GYG2: variants seen among roughly 807,000 people sequenced by gnomAD.
The protein encoded by GYG2 is glycogenin-2.
GYG2 carries 29 observed loss-of-function variants against 29.4 expected under a neutral mutation model. The observed-to-expected ratio is 0.99, with a 90% CI of 0.74 to 1.35. The LOEUF is 1.35. Ranked by LOEUF, GYG2 falls within the 40% of genes most tolerant of loss-of-function variation. The probability of loss-of-function intolerance (pLI) is 0.00; values close to 1 mark genes in which losing one functional copy is unlikely to be tolerated. For missense variants in GYG2, 370 were observed against 385.7 expected (o/e 0.96, Z 0.34); for synonymous variants, 167 against 172.3 (o/e 0.97, Z 0.24).
intron 8 of GYG2, among the ~76,000 whole-genome samples, chrX:2,867,230 C>T (rs1047312535): frequency 3.6e-5 from 4 of 111,426 alleles, no homozygotes; most frequent in Non-Finnish European, 5.7e-5. Flanking sequence ...CCTGTATCTC[C>T]CATCTCAGGG....
intron 10 of GYG2, among the ~76,000 whole-genome samples, chrX:2,879,270 CTTTT>C (rs752455317): frequency 5.4e-5 from 5 of 93,452 alleles, no homozygotes; most frequent in Non-Finnish European, 6.5e-5. Flanking sequence ...TATCTATTTT[CTTTT>C]TTTTTTTTTT....
At position 2,845,971 on chromosome X, in the gene GYG2, AT is replaced by A. The variant is rs200246799; in HGVS notation, c.149+2620del. On this transcript the variant is annotated intron_variant, in intron 3 of 10. Transcript: ENST00000398806. ...TTGGATAATTTCTTCACTGATTTAA[AT>A]TTAAAAAAATATATACATATATGTA... Among the ~76,000 whole-genome samples the A allele has an allele frequency of 6.2e-3, 577 of 93,183 alleles. 9 individuals are homozygous for A. The highest frequency in any genetic ancestry group is 0.02 in the African/African-American group (515 of 25,975). The allele number at this position is 93,183 out of a possible 115,157, so 80.9% of individuals were successfully genotyped here.
In GYG2 at chrX:2,843,024, G is replaced by T. The variant is rs900683510; in HGVS notation, c.8-189G>T. On this transcript the variant is annotated intron_variant, in intron 2 of 10. Transcript: ENST00000398806. ...GACAGAGTTTCACCATGGTGCCCAG[G>T]CTGGTCTCGAACTCCTGAGGTCAAG... 3 of 498,749 alleles carry T rather than the reference G, an allele frequency of 6.0e-6. No homozygotes were observed. The highest frequency in any genetic ancestry group is 5.5e-5 in the Admixed American group (2 of 36,578). 41.1% of individuals were successfully genotyped at this position (498,749 alleles called of 1,213,427 possible). A position where few individuals can be genotyped will look rare whatever the true frequency, so the allele number is the denominator to read the frequency against.
intron 7 of GYG2, among the ~76,000 whole-genome samples, chrX:2,861,029 C>CA (rs2088151350): frequency 9.8e-6 from 1 of 101,940 alleles, no homozygotes; most frequent in Admixed American, 1.1e-4. Flanking sequence ...CAAGCCCGGC[C>CA]TTTTTTTTTT....
At chrX:2,841,561 C>T (rs1267603430) in intron 2 of GYG2, among the ~76,000 whole-genome samples, 1 of 111,416 alleles carries the variant, frequency 9.0e-6, no homozygotes, top group Non-Finnish European at 1.9e-5. Context: ...GTCAGGAATT[C>T]TCGTTCTTTC....
chrX:2,865,507 G>A (rs1274140375), intron 8 of GYG2, among the ~76,000 whole-genome samples: 3 of 111,239 alleles, frequency 2.7e-5, no homozygotes, highest in African/African-American at 6.5e-5. Flanking sequence ...ATGTAGCTTC[G>A]TGTTTGTCCG....
chrX:2,847,730 A>AT (rs1359351053), intron 3 of GYG2, among the ~76,000 whole-genome samples: 2 of 107,870 alleles, frequency 1.9e-5, no homozygotes, highest in Non-Finnish European at 3.8e-5. Context: ...AAATAAATAA[A>AT]TAAATAAATA....
At chrX:2,859,298 G>A (rs1445666299) in intron 6 of GYG2, among the ~76,000 whole-genome samples, 2 of 109,598 alleles carry the variant, frequency 1.8e-5, no homozygotes, top group African/African-American at 6.6e-5. Context: ...ATAGTATTTT[G>A]TTATTATTGA....
chrX:2,833,422 C>T (rs981452677), intron 2 of GYG2, among the ~76,000 whole-genome samples: 1 of 110,991 alleles, frequency 9.0e-6, no homozygotes, highest in Non-Finnish European at 1.9e-5. Flanking sequence ...GGTTATCATC[C>T]GTCTATAACA....
intron 3 of GYG2, among the ~76,000 whole-genome samples, chrX:2,847,533 C>A (rs1419242723): frequency 7.1e-3 from 395 of 55,940 alleles, no homozygotes; most frequent in Non-Finnish European, 7.5e-3. Flanking sequence ...ACTAAAAGTA[C>A]AAAAAAAAAA....
chrX:2,878,215 C>T (rs1224836132), intron 10 of GYG2: 12 of 742,082 alleles, frequency 1.6e-5, no homozygotes, highest in African/African-American at 4.7e-5. Flanking sequence ...GTAAGACCTA[C>T]GTTGGACAGC....
At chrX:2,837,853 ACAC>A (rs2087408913) in intron 2 of GYG2, among the ~76,000 whole-genome samples, 1 of 108,232 alleles carries the variant, frequency 9.2e-6, no homozygotes, top group African/African-American at 3.4e-5. Context: ...ACACACACAC[ACAC>A]ACACACACAC....
At chrX:2,878,567 G>T (rs2088650941) in intron 10 of GYG2, among the ~76,000 whole-genome samples, 1 of 111,877 alleles carries the variant, frequency 8.9e-6, no homozygotes, top group South Asian at 3.8e-4. Flanking sequence ...ACCGCGCCCA[G>T]CCTGAGTTCA....
intron 10 of GYG2, chrX:2,878,212 C>T: frequency 1.3e-6 from 1 of 745,245 alleles, no homozygotes; most frequent in Non-Finnish European, 1.6e-6. Flanking sequence ...TGGGTAAGAC[C>T]TACGTTGGAC....
rs2088731091 is a variant in GYG2, at chrX:2,882,114, C to A, written c.*901C>A. On this transcript the variant is annotated 3_prime_UTR_variant, in exon 11 of 11. Transcript: ENST00000398806. ...TCCACTCAGCTCTTTCCAGAGAATT[C>A]TCAGTTTTATGAGACGGGAAACTTT... 1 of 110,545 alleles carries A rather than the reference C, an allele frequency of 9.0e-6. No individual in the cohort carries two copies. The highest frequency in any genetic ancestry group is 1.9e-5 in the Non-Finnish European group (1 of 52,912). The allele number at this position is 110,545 out of a possible 1,213,427, so 9.1% of individuals were successfully genotyped here.
chrX:2,846,065 T>A (rs1184347949), intron 3 of GYG2, among the ~76,000 whole-genome samples: 64 of 15,808 alleles, frequency 4.0e-3, no homozygotes, highest in African/African-American at 9.6e-3. Context: ...ATTTTTTTTT[T>A]TTTTTTTTTT....
At position 2,844,529 on chromosome X, in the gene GYG2, C is replaced by T. The variant is rs1471080587; in HGVS notation, c.149+1175C>T. ...ATATATGTGTATACGCACACGCATGCGTATATATGTGTATACGCACACGCA... is the reference window on the plus strand; with the variant it reads ...ATATATGTGTATACGCACACGCATGTGTATATATGTGTATACGCACACGCA... On this transcript the variant is annotated intron_variant, in intron 3 of 10. Transcript: ENST00000398806. Among the ~76,000 whole-genome samples, 5 of 78,010 alleles carry T rather than the reference C, an allele frequency of 6.4e-5. 1 individual carries two copies. Among genetic ancestry groups the T allele is most frequent in the South Asian group, 1.4e-3 (2 of 1,443 alleles). The allele number at this position is 78,010 out of a possible 115,157, so 67.7% of individuals were successfully genotyped here.
intron 2 of GYG2, among the ~76,000 whole-genome samples, chrX:2,842,081 C>T (rs1217395021): frequency 8.9e-6 from 1 of 112,528 alleles, no homozygotes. Flanking sequence ...CCGCCTCATA[C>T]ATCCCTGAGT....
chrX:2,834,293 G>A (rs2087327555), intron 2 of GYG2, among the ~76,000 whole-genome samples: 3 of 111,789 alleles, frequency 2.7e-5, no homozygotes, highest in Non-Finnish European at 5.6e-5. Flanking sequence ...TTGAAGCCCC[G>A]GTTTACTTGT....
Sources: gnomAD v4.1 joint callset for allele counts (sites outside exome capture counted in the v4.1 genomes callset) on GRCh38, gnomAD v4.1.1 for gene constraint, MANE v1.5 for transcripts, NCBI Gene and HGNC (gene_info 2026-07-23, HGNC 2026-07-21) for gene names.